Variants in ME1 observed in about 807,000 individuals in gnomAD.
ME1 encodes the protein NADP-dependent malic enzyme.
ME1 carries 74 observed loss-of-function variants against 66.4 expected under a neutral mutation model. The observed-to-expected ratio is 1.11, with a 90% CI of 0.92 to 1.35. The LOEUF is 1.35. Among genes scored for constraint, ME1 ranks in the 40% most tolerant of loss-of-function variants. The pLI, the probability that ME1 is intolerant of heterozygous loss-of-function variation, is 0.00. For missense variants in ME1, 750 were observed against 694.1 expected (o/e 1.08, Z -0.90); for synonymous variants, 251 against 235.6 (o/e 1.07, Z -0.60).
Position 83,227,441 on chromosome 6 carries a change from A to G in ME1, c.1169T>C (p.Ile390Thr), listed in dbSNP as rs2128523907. 1.9e-6 allele frequency: 3 copies of G among 1,604,194 alleles called. No homozygotes were observed. Among genetic ancestry groups the G allele is most frequent in the South Asian group, 1.1e-5 (1 of 89,444 alleles). Residue 390 changes from isoleucine to threonine, a missense_variant, in exon 11 of 14, where the codon ATT (isoleucine) becomes ACT (threonine). Ile to Thr is a moderately conservative substitution (Grantham distance 89). Coordinates refer to ENST00000369705, the MANE Select transcript of ME1 (RefSeq NM_002395.6). ...AAIGGAFSEQ[I>T]LKDMAAFNER... Reference sequence around the variant, plus strand: ...ATTGAAGGCAGCCATATCTTTGAGAATTTGTTCTGAGAATGCACCACCAAT... The same window carrying G: ...ATTGAAGGCAGCCATATCTTTGAGAGTTTGTTCTGAGAATGCACCACCAAT...
intron 5 of ME1, among the ~76,000 whole-genome samples, chr6:83,317,425 A>G (rs1768056160): frequency 6.6e-6 from 1 of 151,642 alleles, no homozygotes; most frequent in South Asian, 2.1e-4. Flanking sequence ...TCTTTGAAGC[A>G]ATTGTGAATG....
At chr6:83,275,528 C>T (rs1378196183) in intron 6 of ME1, among the ~76,000 whole-genome samples, 9 of 129,574 alleles carry the variant, frequency 6.9e-5, no homozygotes, top group Non-Finnish European at 1.1e-4. Context: ...TGCAGTGGCG[C>T]GATCTTGGCT....
chr6:83,406,356 G>C (rs1339479319), intron 2 of ME1, among the ~76,000 whole-genome samples: 3 of 152,154 alleles, frequency 2.0e-5, no homozygotes, highest in Non-Finnish European at 4.4e-5. Context: ...AATGAGTTAG[G>C]GAGGAGTCCC....
At chr6:83,253,783 T>C (rs770909767) in intron 6 of ME1, 45 bp from the exon 7 acceptor site, 2 of 974,586 alleles carry the variant, frequency 2.1e-6, no homozygotes, top group South Asian at 1.4e-5. Context: ...AATAAAATGC[T>C]ATTTAAAAAT....
chr6:83,354,581 G>C (rs1272549516), intron 3 of ME1, among the ~76,000 whole-genome samples: 1 of 152,100 alleles, frequency 6.6e-6, no homozygotes, highest in Non-Finnish European at 1.5e-5. Context: ...TGGCTCCTCA[G>C]ACAGGCCTTC....
At chr6:83,239,828 G>C (rs1214081555) in intron 7 of ME1, among the ~76,000 whole-genome samples, 192 bp from the exon 8 acceptor site, 2 of 152,016 alleles carry the variant, frequency 1.3e-5, no homozygotes, top group East Asian at 3.9e-4. Flanking sequence ...TAAGATAGCA[G>C]CTTACTACTA....
intron 6 of ME1, among the ~76,000 whole-genome samples, chr6:83,284,202 A>C (rs941015581): frequency 9.2e-5 from 14 of 152,140 alleles, no homozygotes; most frequent in Non-Finnish European, 1.8e-4. Flanking sequence ...TTGCAACCCT[A>C]ATAAGAACAT....
intron 3 of ME1, among the ~76,000 whole-genome samples, chr6:83,370,489 CAT>C (rs2128547142): frequency 6.6e-6 from 1 of 152,140 alleles, no homozygotes. Context: ...GATTGAAAAA[CAT>C]AGAAATATCC....
intron 1 of ME1, among the ~76,000 whole-genome samples, chr6:83,421,919 T>C (rs1257299224): frequency 1.3e-5 from 2 of 152,148 alleles, no homozygotes; most frequent in Non-Finnish European, 2.9e-5. Context: ...CAAATGCCTG[T>C]TGCAACTTTC....
chr6:83,267,285 A>C (rs1301709239), intron 6 of ME1, among the ~76,000 whole-genome samples: 2 of 152,180 alleles, frequency 1.3e-5, no homozygotes, highest in Admixed American at 1.3e-4. Context: ...CTTTTGGGTT[A>C]AAATCTCAAG....
At chr6:83,356,644 C>G (rs928745037) in intron 3 of ME1, among the ~76,000 whole-genome samples, 2 of 151,866 alleles carry the variant, frequency 1.3e-5, no homozygotes, top group African/African-American at 2.4e-5. Flanking sequence ...TTTCTGAAGC[C>G]AAAGGAAGTC....
chr6:83,315,162 A>G, intron 6 of ME1, 148 bp downstream of exon 6: 1 of 579,802 alleles, frequency 1.7e-6, no homozygotes, highest in Non-Finnish European at 3.1e-6. Context: ...TTTGTCCATT[A>G]ACAGTTATGA....
At chr6:83,283,959 GA>G (rs1288895832) in intron 6 of ME1, among the ~76,000 whole-genome samples, 1 of 152,114 alleles carries the variant, frequency 6.6e-6, no homozygotes, top group Non-Finnish European at 1.5e-5. Context: ...TTGGTTCTTT[GA>G]AAGAGGGAAC....
intron 9 of ME1, among the ~76,000 whole-genome samples, chr6:83,234,900 TC>T (rs1483954583): frequency 1.1e-4 from 16 of 152,196 alleles, no homozygotes; most frequent in African/African-American, 3.9e-4. Flanking sequence ...GGTTCTCCTG[TC>T]TGTAAAGTGA....
At position 83,327,698 on chromosome 6, in the gene ME1, T is replaced by C. The variant is rs188391307; in HGVS notation, c.601-12285A>G. 5.1e-4 allele frequency among the ~76,000 whole-genome samples: 78 copies of C among 152,296 alleles called. 1 individual carries two copies. Among genetic ancestry groups the C allele is most frequent in the African/African-American group, 1.7e-3 (72 of 41,554 alleles). ...CCTGTGGTCCTGTGATCTCACCCTG[T>C]CTCCACTTGCCTTGTGATATTCTAT... is the stretch of plus-strand genomic sequence containing the variant. On this transcript the variant is annotated intron_variant, in intron 5 of 13. Transcript: ENST00000369705.
intron 6 of ME1, among the ~76,000 whole-genome samples, chr6:83,255,452 G>A (rs1209513495): frequency 3.3e-5 from 5 of 151,012 alleles, no homozygotes; most frequent in African/African-American, 7.3e-5. Context: ...TTTATTTATG[G>A]TTTCTCCTTT....
At chr6:83,305,467 G>T (rs544099995) in intron 6 of ME1, among the ~76,000 whole-genome samples, 5 of 152,260 alleles carry the variant, frequency 3.3e-5, no homozygotes, top group Middle Eastern at 6.8e-3. Context: ...TAAGATTTGA[G>T]CTAATATATG....
chr6:83,369,604 C>A (rs2128547044), intron 3 of ME1, among the ~76,000 whole-genome samples: 1 of 149,946 alleles, frequency 6.7e-6, no homozygotes, highest in Non-Finnish European at 1.5e-5. Flanking sequence ...CCAGCCTGGG[C>A]AACAGACAGT....
chr6:83,324,236 G>C (rs1045986679), intron 5 of ME1, among the ~76,000 whole-genome samples: 12 of 151,694 alleles, frequency 7.9e-5, no homozygotes, highest in Admixed American at 4.6e-4. Context: ...GAGAAAGGGG[G>C]AAAGATCTAA....
Sources: gnomAD v4.1 joint callset for allele counts (sites outside exome capture counted in the v4.1 genomes callset) on GRCh38, gnomAD v4.1.1 for gene constraint, MANE v1.5 for transcripts, NCBI Gene and HGNC (gene_info 2026-07-23, HGNC 2026-07-21) for gene names.